The following DIAPH3 variants were observed in gnomAD, a reference collection of about 807,000 sequenced individuals.
DIAPH3 encodes diaphanous related formin 3.
Under a neutral mutation model 144.3 loss-of-function variants are expected in DIAPH3, and 117 were observed. That is an observed-to-expected ratio of 0.81 (90% confidence interval 0.70 to 0.95). DIAPH3 has a LOEUF of 0.95. Ranked by LOEUF, DIAPH3 falls within the 40% of genes least tolerant of loss-of-function variation. DIAPH3 has a pLI of 0.00. For missense variants in DIAPH3, 1,421 were observed against 1,412.7 expected, an observed-to-expected ratio of 1.01 and a Z score of -0.09; for synonymous variants, 519 against 488.9, an observed-to-expected ratio of 1.06 and a Z score of -0.81.
intron 24 of DIAPH3, among the ~76,000 whole-genome samples, chr13:59,824,902 G>T (rs2041292897): frequency 6.6e-6 from 1 of 151,938 alleles, no homozygotes; most frequent in Admixed American, 6.6e-5. Context: ...ATCCCATCGG[G>T]AAATGTTCGT....
intron 24 of DIAPH3, among the ~76,000 whole-genome samples, chr13:59,819,134 T>C (rs2040932963): frequency 6.6e-6 from 1 of 151,886 alleles, no homozygotes; most frequent in Non-Finnish European, 1.5e-5. Flanking sequence ...AAATTGTAAC[T>C]GTCCTCTGGC....
chr13:59,861,527 T>A lies in DIAPH3; in HGVS notation c.2617A>T (p.Thr873Ser), dbSNP rs1213231291. The change falls in exon 22 of 28, where the codon ACA (threonine) becomes TCA (serine). Residue 873 changes from threonine to serine, a missense_variant. Physicochemically the swap from Thr to Ser is moderately conservative, Grantham distance 58. Transcript: ENST00000400324. The stretch of plus-strand genomic sequence containing the variant: ...GTTGTTTTCTGATCTGCTGATTTTG[T>A]GTCCTTTAGCTAAATAGAACAGGAG... Reference protein sequence around the residue: ...NLSSLCKLKDTKSADQKTTLL... With the variant: ...NLSSLCKLKDSKSADQKTTLL... The A allele has an allele frequency of 1.2e-6, 2 of 1,613,652 alleles. No homozygotes were observed. The highest frequency in any genetic ancestry group is 2.7e-5 in the African/African-American group (2 of 74,920).
intron 1 of DIAPH3, among the ~76,000 whole-genome samples, chr13:60,144,223 C>T (rs912409478): frequency 6.6e-6 from 1 of 152,112 alleles, no homozygotes; most frequent in Non-Finnish European, 1.5e-5. Context: ...ATACGGATGC[C>T]TATGTAATAT....
chr13:59,704,606 A>T (rs2034311382), intron 27 of DIAPH3, among the ~76,000 whole-genome samples: 2 of 152,174 alleles, frequency 1.3e-5, no homozygotes, highest in African/African-American at 4.8e-5. Context: ...ACAAAACTGC[A>T]TTTTTACTAT....
chr13:60,062,784 G>A (rs935469886), intron 4 of DIAPH3, among the ~76,000 whole-genome samples: 3 of 152,332 alleles, frequency 2.0e-5, no homozygotes, highest in African/African-American at 7.2e-5. Context: ...AGTCTATCAA[G>A]TGAGCAACAG....
chr13:60,034,954 A>T (rs1055262489), intron 5 of DIAPH3, among the ~76,000 whole-genome samples: 5 of 152,268 alleles, frequency 3.3e-5, no homozygotes, highest in Non-Finnish European at 5.9e-5. Flanking sequence ...CTCACTTTAC[A>T]TGTTAACAGA....
rs138475932 is a variant in DIAPH3 at position 59,857,467 on chromosome 13, G to C, written c.2737+3940C>G. ...AGAAAGCATAGTATTAAATGGAAAG[G>C]ATTTAAAAATCAAATATATCAGTGA... On this transcript the variant is annotated intron_variant, in intron 22 of 27. Coordinates refer to ENST00000400324, the MANE Select transcript of DIAPH3 (RefSeq NM_001042517.2). Among the ~76,000 whole-genome samples, 599 of 152,142 alleles carry C rather than the reference G, an allele frequency of 3.9e-3. 5 individuals are homozygous for C. Among genetic ancestry groups the C allele is most frequent in the African/African-American group, 0.014 (582 of 41,512 alleles).
intron 5 of DIAPH3, among the ~76,000 whole-genome samples, chr13:60,017,928 T>C (rs141181728): frequency 6.6e-6 from 1 of 152,308 alleles, no homozygotes; most frequent in Non-Finnish European, 1.5e-5. Flanking sequence ...TGTAGGCATT[T>C]TGAATCTTGT....
At chr13:59,872,257 T>G (rs1388670346) in intron 21 of DIAPH3, among the ~76,000 whole-genome samples, 2 of 152,170 alleles carry the variant, frequency 1.3e-5, no homozygotes, top group Admixed American at 1.3e-4. Context: ...GAACAAAACT[T>G]TATAAGTTGT....
At chr13:59,675,110 G>C (rs1016779334) in intron 27 of DIAPH3, among the ~76,000 whole-genome samples, 4 of 152,212 alleles carry the variant, frequency 2.6e-5, no homozygotes, top group Admixed American at 6.5e-5. Context: ...CGCTTGCTCA[G>C]GCTGGAATGC....
intron 22 of DIAPH3, among the ~76,000 whole-genome samples, chr13:59,855,520 A>G (rs1433753912): frequency 6.6e-6 from 1 of 152,044 alleles, no homozygotes; most frequent in Non-Finnish European, 1.5e-5. Flanking sequence ...ATATAAATGT[A>G]AAGTATACTA....
At chr13:59,866,611 T>G (rs1259799393) in intron 21 of DIAPH3, among the ~76,000 whole-genome samples, 1 of 152,086 alleles carries the variant, frequency 6.6e-6, no homozygotes, top group Non-Finnish European at 1.5e-5. Flanking sequence ...ATAAATAAAA[T>G]GCCATCTGAA....
At chr13:59,981,347 T>A (rs188242473) in intron 13 of DIAPH3, among the ~76,000 whole-genome samples, 22 of 151,378 alleles carry the variant, frequency 1.5e-4, no homozygotes, top group Admixed American at 6.6e-4. Context: ...AGTGTTGGAG[T>A]TGACATGAGG....
chr13:59,888,382 T>C (rs118079939), intron 20 of DIAPH3, among the ~76,000 whole-genome samples: 5,122 of 152,200 alleles, frequency 0.034, 112 homozygotes, highest in Non-Finnish European at 0.049. Flanking sequence ...GAAAAATAAA[T>C]TTCAGTTGTT....
intron 4 of DIAPH3, among the ~76,000 whole-genome samples, chr13:60,091,587 C>T (rs1439231134): frequency 1.3e-5 from 2 of 152,012 alleles, no homozygotes; most frequent in Non-Finnish European, 2.9e-5. Context: ...CACACCTGGC[C>T]TTATAGACAC....
intron 21 of DIAPH3, among the ~76,000 whole-genome samples, chr13:59,865,307 A>G (rs9570220): frequency 6.6e-6 from 1 of 152,178 alleles, no homozygotes; most frequent in East Asian, 1.9e-4. Context: ...ACTCACTCAT[A>G]TCATAATCAG....
intron 27 of DIAPH3, among the ~76,000 whole-genome samples, chr13:59,719,452 C>G (rs1414698438): frequency 6.6e-6 from 1 of 152,072 alleles, no homozygotes; most frequent in East Asian, 1.9e-4. Flanking sequence ...GAGAGGTTGG[C>G]TCTAAGCAAA....
At chr13:59,972,861 C>T (rs761585782) in intron 15 of DIAPH3, among the ~76,000 whole-genome samples, 6 of 149,998 alleles carry the variant, frequency 4.0e-5, no homozygotes, top group Non-Finnish European at 7.4e-5. Context: ...GAAGAGACTA[C>T]GGGAGCAAAG....
At chr13:59,990,314 T>G (rs989565516) in intron 12 of DIAPH3, among the ~76,000 whole-genome samples, 8 of 151,948 alleles carry the variant, frequency 5.3e-5, no homozygotes, top group African/African-American at 1.9e-4. Flanking sequence ...CCCTCTGATG[T>G]TACCCCGAGG....
Sources: allele counts gnomAD v4.1 joint callset (sites outside exome capture counted in the v4.1 genomes callset), GRCh38; gene constraint gnomAD v4.1.1; transcripts MANE v1.5; gene names NCBI Gene and HGNC (gene_info 2026-07-23, HGNC 2026-07-21).